The following KCNQ3 variants were observed in gnomAD, a reference collection of about 807,000 sequenced individuals.
KCNQ3 encodes potassium voltage-gated channel subfamily KQT member 3.
KCNQ3 carries 30 observed loss-of-function variants against 92.5 expected under a neutral mutation model. The ratio of observed to expected loss-of-function variants is 0.32; its 90% CI spans 0.24 to 0.44. The LOEUF is 0.44. Ranked by LOEUF, KCNQ3 falls within the 20% of genes least tolerant of loss-of-function variation. The pLI is 1.00. For missense variants in KCNQ3, 913 were observed against 1,140.3 expected (o/e 0.80, Z 2.87); for synonymous variants, 450 against 468.8 (o/e 0.96, Z 0.52).
At chr8:132,422,584 G>A (rs1438574100) in intron 1 of KCNQ3, among the ~76,000 whole-genome samples, 4 of 152,072 alleles carry the variant, frequency 2.6e-5, no homozygotes, top group South Asian at 2.1e-4. Flanking sequence ...CTCAGGACAC[G>A]TGATCCTCCA....
intron 1 of KCNQ3, among the ~76,000 whole-genome samples, chr8:132,204,809 C>T (rs1813603028): frequency 2.0e-5 from 3 of 152,304 alleles, no homozygotes; most frequent in Non-Finnish European, 1.5e-5. Context: ...CATACCAGAG[C>T]GCTGCTATTC....
chr8:132,401,098 C>G (rs1437946438), intron 1 of KCNQ3, among the ~76,000 whole-genome samples: 2 of 152,170 alleles, frequency 1.3e-5, no homozygotes, highest in East Asian at 3.9e-4. Context: ...GCAATCCCCA[C>G]CAGGCGGCAA....
chr8:132,444,383 G>A (rs935000971), intron 1 of KCNQ3, among the ~76,000 whole-genome samples: 3 of 152,076 alleles, frequency 2.0e-5, no homozygotes, highest in Non-Finnish European at 2.9e-5. Flanking sequence ...GTCCTGCCCC[G>A]TGTGAAGGGT....
intron 5 of KCNQ3, 143 bp downstream of exon 5, chr8:132,175,310 G>T (rs1302010692): frequency 3.3e-6 from 3 of 896,918 alleles, no homozygotes; most frequent in Non-Finnish European, 5.5e-6. Context: ...CTGTCAGCAG[G>T]TTCTGAGCTG....
chr8:132,162,777 C>T (rs1323834216), intron 9 of KCNQ3, among the ~76,000 whole-genome samples: 3 of 152,194 alleles, frequency 2.0e-5, no homozygotes, highest in Non-Finnish European at 2.9e-5. Flanking sequence ...GGCCACTGTT[C>T]TCAAGTGGCT....
chr8:132,437,851 T>C (rs1281608114), intron 1 of KCNQ3, among the ~76,000 whole-genome samples: 1 of 152,208 alleles, frequency 6.6e-6, no homozygotes, highest in African/African-American at 2.4e-5. Context: ...CTTTCATAGA[T>C]CTTTAAAATA....
chr8:132,405,022 T>G (rs1820440049), intron 1 of KCNQ3, among the ~76,000 whole-genome samples: 1 of 152,292 alleles, frequency 6.6e-6, no homozygotes, highest in Admixed American at 6.5e-5. Flanking sequence ...TCTGCAGGAA[T>G]AGGAAGCCTA....
At chr8:132,331,301 G>A (rs1049922676) in intron 1 of KCNQ3, among the ~76,000 whole-genome samples, 23 of 152,150 alleles carry the variant, frequency 1.5e-4, no homozygotes, top group African/African-American at 4.3e-4. Context: ...CTCTGCTTCC[G>A]AAACTCATGC....
At chr8:132,231,321 A>G (rs977475239) in intron 1 of KCNQ3, among the ~76,000 whole-genome samples, 7 of 152,218 alleles carry the variant, frequency 4.6e-5, no homozygotes, top group African/African-American at 1.7e-4. Flanking sequence ...ACACTCATAT[A>G]GGTGGGTTTC....
intron 1 of KCNQ3, chr8:132,277,992 G>C: frequency 5.1e-6 from 5 of 985,236 alleles, no homozygotes; most frequent in Non-Finnish European, 6.0e-6. Context: ...GGACAGAAGG[G>C]ATCATCCTTC....
Position 132,124,569 on chromosome 8 carries a change from C to G in KCNQ3, c.*4693G>C, listed in dbSNP as rs915285284. ...AAAACCACTAAAGCTATGCAGATAG[C>G]CTGGTCCTAACATGTTCTAAACTGG... On this transcript the variant is annotated 3_prime_UTR_variant, in exon 15 of 15. Coordinates refer to ENST00000388996, the MANE Select transcript of KCNQ3 (RefSeq NM_004519.4). The G allele has an allele frequency of 1.3e-5, 2 of 152,226 alleles. No individual in the cohort carries two copies. Among genetic ancestry groups the G allele is most frequent in the African/African-American group, 4.8e-5 (2 of 41,452 alleles). 9.4% of individuals were successfully genotyped at this position (152,226 alleles called of 1,614,324 possible).
At chr8:132,223,482 C>A (rs547004831) in intron 1 of KCNQ3, among the ~76,000 whole-genome samples, 7 of 152,220 alleles carry the variant, frequency 4.6e-5, no homozygotes, top group African/African-American at 1.7e-4. Context: ...CACATTTTGC[C>A]AGGTGGGGCT....
intron 5 of KCNQ3, among the ~76,000 whole-genome samples, chr8:132,175,062 C>T (rs76827728): frequency 0.023 from 3,466 of 152,312 alleles, 54 homozygotes; most frequent in Non-Finnish European, 0.033. Context: ...TCAGTGAATG[C>T]CAGCTTTAGT....
At chr8:132,182,052 A>G (rs541893175) in intron 3 of KCNQ3, among the ~76,000 whole-genome samples, 4 of 149,476 alleles carry the variant, frequency 2.7e-5, no homozygotes, top group Non-Finnish European at 5.9e-5. Context: ...TCTCAAAAAA[A>G]AAAAAACCAT....
chr8:132,141,623 A>C (rs144971994), intron 9 of KCNQ3, among the ~76,000 whole-genome samples: 92 of 152,260 alleles, frequency 6.0e-4, no homozygotes, highest in African/African-American at 2.1e-3. Context: ...AGCTCATCCT[A>C]GTATGCTGCA....
intron 1 of KCNQ3, among the ~76,000 whole-genome samples, chr8:132,387,066 T>A (rs1389136933): frequency 6.6e-6 from 1 of 152,194 alleles, no homozygotes; most frequent in Non-Finnish European, 1.5e-5. Context: ...TATATCTCAA[T>A]TAAAATTTGA....
chr8:132,246,523 C>A (rs1409717022), intron 1 of KCNQ3, among the ~76,000 whole-genome samples: 1 of 152,200 alleles, frequency 6.6e-6, no homozygotes, highest in Non-Finnish European at 1.5e-5. Context: ...AAGAGAGGAG[C>A]AATTTATTTG....
intron 1 of KCNQ3, among the ~76,000 whole-genome samples, chr8:132,192,960 TTGAC>T (rs1364115098): frequency 3.3e-5 from 5 of 152,196 alleles, no homozygotes; most frequent in African/African-American, 1.2e-4. Flanking sequence ...CTCTATAGTC[TTGAC>T]TGTTTCCTTT....
At position 132,129,847 on chromosome 8, in the gene KCNQ3, G is replaced by A. The variant is rs560675018; in HGVS notation, c.2034C>T (p.Ser678=). 2.9e-5 allele frequency: 47 copies of A among 1,614,114 alleles called. No homozygotes were observed. The highest frequency in any genetic ancestry group is 2.3e-4 in the South Asian group (21 of 91,072). The part of the protein sequence containing the change: ...EAEKKEDNRY[S]DLKTIICNYS... ...AGTTGCAGATGATGGTTTTCAAATC[G>A]GAATACCTGTTGTCCTCCTTCTTCT... Residue 678 remains serine (S), a synonymous_variant, in exon 15 of 15, where the codon TCC becomes TCT. Coordinates refer to ENST00000388996, the MANE Select transcript of KCNQ3 (RefSeq NM_004519.4). The surrounding 1 kb of genome is among the most constrained non-coding windows in gnomAD (Gnocchi z 5.9).
Sources: gnomAD v4.1 joint callset for allele counts (sites outside exome capture counted in the v4.1 genomes callset) on GRCh38, gnomAD v4.1.1 for gene constraint, Gnocchi (gnomAD v3.1) non-coding constraint, MANE v1.5 for transcripts, NCBI Gene and HGNC (gene_info 2026-07-23, HGNC 2026-07-21) for gene names.